Variants in BNC2 observed in about 807,000 individuals in gnomAD.
BNC2 encodes basonuclin zinc finger protein 2.
Under a neutral mutation model 76.3 loss-of-function variants are expected in BNC2, and 20 were observed. That is an observed-to-expected ratio of 0.26 (90% confidence interval 0.18 to 0.38). BNC2 has a LOEUF of 0.38. Ranked by LOEUF, BNC2 falls within the 10% of genes least tolerant of loss-of-function variation. The pLI is 1.00. For missense variants in BNC2, 1,382 were observed against 1,399.8 expected (o/e 0.99, Z 0.20); for synonymous variants, 582 against 514.8 (o/e 1.13, Z -1.77).
intron 5 of BNC2, among the ~76,000 whole-genome samples, chr9:16,438,591 T>C (rs1821065893): frequency 6.6e-6 from 1 of 152,170 alleles, no homozygotes; most frequent in South Asian, 2.1e-4. Context: ...AATGACTCCA[T>C]CACTTTCTAG....
chr9:16,663,594 T>C (rs1399996706), intron 3 of BNC2, among the ~76,000 whole-genome samples: 1 of 152,180 alleles, frequency 6.6e-6, no homozygotes, highest in Non-Finnish European at 1.5e-5. Flanking sequence ...CTTAGAATAT[T>C]TGCTCTAAAA....
chr9:16,766,009 G>A (rs1049472787), intron 1 of BNC2, among the ~76,000 whole-genome samples: 11 of 152,082 alleles, frequency 7.2e-5, no homozygotes, highest in South Asian at 2.1e-4. Context: ...GGATGTTCTC[G>A]ATCTCCTGAC....
At chr9:16,835,853 G>A (rs1019858966) in intron 1 of BNC2, among the ~76,000 whole-genome samples, 12 of 152,156 alleles carry the variant, frequency 7.9e-5, no homozygotes, top group South Asian at 2.1e-4. Flanking sequence ...AAGAATTGGC[G>A]TCTAAAGTTG....
chr9:16,795,555 C>T (rs1029520457), intron 1 of BNC2, among the ~76,000 whole-genome samples: 1 of 152,170 alleles, frequency 6.6e-6, no homozygotes, highest in African/African-American at 2.4e-5. Flanking sequence ...TCTCCACACC[C>T]TCCACATCAC....
intron 5 of BNC2, among the ~76,000 whole-genome samples, chr9:16,525,381 G>C (rs527821984): frequency 2.0e-5 from 3 of 151,944 alleles, no homozygotes; most frequent in Non-Finnish European, 2.9e-5. Flanking sequence ...ATACTCTTTA[G>C]ATACAAAAAG....
intron 5 of BNC2, among the ~76,000 whole-genome samples, chr9:16,439,116 C>A (rs894733644): frequency 2.0e-5 from 3 of 152,310 alleles, no homozygotes; most frequent in South Asian, 2.1e-4. Flanking sequence ...TGTGACTTTG[C>A]TCCTCCTTTG....
intron 6 of BNC2, among the ~76,000 whole-genome samples, chr9:16,422,980 G>GA (rs1291697611): frequency 6.6e-6 from 1 of 152,160 alleles, no homozygotes; most frequent in East Asian, 1.9e-4. Context: ...GAGAAGTTGG[G>GA]AGAGACACAG....
chr9:16,862,969 C>T (rs1367740497), intron 1 of BNC2, among the ~76,000 whole-genome samples: 1 of 150,246 alleles, frequency 6.7e-6, no homozygotes, highest in Non-Finnish European at 1.5e-5. Context: ...GGCTAGAGTG[C>T]AGTGGCGAGA....
chr9:16,467,449 T>A (rs1362554658), intron 5 of BNC2, among the ~76,000 whole-genome samples: 1 of 142,036 alleles, frequency 7.0e-6, no homozygotes, highest in Non-Finnish European at 1.5e-5. Context: ...CCAACAATGA[T>A]AGACTGGATT....
chr9:16,490,197 G>A (rs1454617046), intron 5 of BNC2, among the ~76,000 whole-genome samples: 1 of 152,128 alleles, frequency 6.6e-6, no homozygotes, highest in Non-Finnish European at 1.5e-5. Context: ...GGTTTAATTG[G>A]ACTTACAGTT....
chr9:16,708,897 T>G (rs74991811), intron 3 of BNC2, among the ~76,000 whole-genome samples: 7 of 152,312 alleles, frequency 4.6e-5, no homozygotes, highest in Admixed American at 1.3e-4. Context: ...ACTGGGTAGA[T>G]GTCAGGGGAC....
chr9:16,784,636 T>C (rs1769849569), intron 1 of BNC2, among the ~76,000 whole-genome samples: 1 of 152,208 alleles, frequency 6.6e-6, no homozygotes, highest in Non-Finnish European at 1.5e-5. Flanking sequence ...GTTTTGGGGC[T>C]GAGCACTGGC....
intron 1 of BNC2, among the ~76,000 whole-genome samples, chr9:16,773,298 A>G (rs376350664): frequency 3.5e-4 from 53 of 152,310 alleles, no homozygotes; most frequent in Middle Eastern, 3.4e-3. Context: ...TGCAATATCA[A>G]TGAAAGGATT....
chr9:16,791,255 G>T (rs1227227436), intron 1 of BNC2, among the ~76,000 whole-genome samples: 1 of 151,982 alleles, frequency 6.6e-6, no homozygotes, highest in African/African-American at 2.4e-5. Flanking sequence ...TAGAGACGGG[G>T]TTTCACCATG....
chr9:16,670,141 C>G, intron 3 of BNC2, among the ~76,000 whole-genome samples: 1 of 152,088 alleles, frequency 6.6e-6, no homozygotes, highest in African/African-American at 2.4e-5. Context: ...CTTCACTGAT[C>G]TATCATATGT....
At chr9:16,772,353 C>A (rs549404963) in intron 1 of BNC2, among the ~76,000 whole-genome samples, 1 of 152,014 alleles carries the variant, frequency 6.6e-6, no homozygotes, top group Admixed American at 6.5e-5. Context: ...TTTTAATATG[C>A]CATTGTTCCC....
intron 3 of BNC2, among the ~76,000 whole-genome samples, chr9:16,709,202 G>A (rs912547149): frequency 6.6e-6 from 1 of 152,132 alleles, no homozygotes; most frequent in Non-Finnish European, 1.5e-5. Flanking sequence ...GGGAGATGAA[G>A]TGGGGAGGGG....
At chr9:16,699,725 A>G (rs1035151594) in intron 3 of BNC2, among the ~76,000 whole-genome samples, 2 of 152,266 alleles carry the variant, frequency 1.3e-5, no homozygotes, top group Non-Finnish European at 2.9e-5. Context: ...TAAATGAAGC[A>G]ACTAAGATTC....
intron 5 of BNC2, among the ~76,000 whole-genome samples, chr9:16,495,209 C>T (rs1489671839): frequency 2.0e-5 from 3 of 152,122 alleles, no homozygotes; most frequent in Admixed American, 1.3e-4. Context: ...TAAAAAAGGA[C>T]AGTCGTAGTT....
Sources: allele counts gnomAD v4.1 joint callset (sites outside exome capture counted in the v4.1 genomes callset), GRCh38; gene constraint gnomAD v4.1.1; transcripts MANE v1.5; gene names NCBI Gene and HGNC (gene_info 2026-07-23, HGNC 2026-07-21).